Variants in GLT8D2 observed in about 807,000 individuals in gnomAD.
GLT8D2 encodes glycosyltransferase 8 domain containing 2.
GLT8D2 carries 45 observed loss-of-function variants against 44.5 expected under a neutral mutation model. That is an observed-to-expected ratio of 1.01 (90% CI 0.80 to 1.30). The LOEUF is 1.30. Ranked by LOEUF, GLT8D2 falls within the 50% of genes most tolerant of loss-of-function variation. The probability of loss-of-function intolerance (pLI) is 0.00; values close to 1 mark genes in which losing one functional copy is unlikely to be tolerated. For synonymous variants in GLT8D2, 156 were observed against 157.2 expected (o/e 0.99, Z 0.06); for missense variants, 400 against 430.4 (o/e 0.93, Z 0.62).
At position 103,997,546 on chromosome 12, in the gene GLT8D2, G is replaced by A. The variant is rs199853112; in HGVS notation, c.403-11C>T. 1.1e-5 allele frequency: 17 copies of A among 1,602,108 alleles called. No homozygotes were observed. Among genetic ancestry groups the A allele is most frequent in the South Asian group, 2.2e-5 (2 of 90,756 alleles). The stretch of plus-strand genomic sequence containing the variant: ...TCGAACAAAGTTCAGCTGTTAAAAC[G>A]ACAAAAGAAATGATGGTGGGGGAGA... On this transcript the variant is annotated splice_polypyrimidine_tract_variant and intron_variant, in intron 6 of 10. Coordinates refer to ENST00000360814, the MANE Select transcript of GLT8D2 (RefSeq NM_001384711.1).
intron 1 of GLT8D2, among the ~76,000 whole-genome samples, chr12:104,045,927 GAA>G (rs1332369163): frequency 3.0e-4 from 43 of 145,244 alleles, no homozygotes; most frequent in East Asian, 1.8e-3. Flanking sequence ...AAGAAAGAAA[GAA>G]AGAAAGAAAA....
At chr12:104,014,971 A>G in intron 4 of GLT8D2, 42 bp downstream of exon 4, 1 of 1,414,118 alleles carries the variant, frequency 7.1e-7, no homozygotes, top group Non-Finnish European at 1.0e-6. Flanking sequence ...TTCAAACCAC[A>G]TTCCTGGGTA....
chr12:104,012,731 C>A (rs1417629160), intron 4 of GLT8D2: 11 of 671,426 alleles, frequency 1.6e-5, no homozygotes, highest in Non-Finnish European at 2.7e-5. Context: ...TAGCTTCCAG[C>A]ATCTCAGGAT....
chr12:104,019,276 C>T (rs932066382), intron 3 of GLT8D2, among the ~76,000 whole-genome samples: 31 of 151,912 alleles, frequency 2.0e-4, no homozygotes, highest in Admixed American at 7.9e-4. Flanking sequence ...TACAGGTGTC[C>T]GCCACCATGC....
At chr12:104,048,706 G>C (rs1297475367) in intron 1 of GLT8D2, among the ~76,000 whole-genome samples, 1 of 152,184 alleles carries the variant, frequency 6.6e-6, no homozygotes, top group Non-Finnish European at 1.5e-5. Flanking sequence ...GACTGTCAGA[G>C]GGAACCATGG....
intron 9 of GLT8D2, 140 bp downstream of exon 9, chr12:103,994,195 C>T (rs1158095582): frequency 1.2e-5 from 8 of 695,590 alleles, no homozygotes; most frequent in Non-Finnish European, 1.8e-5. Flanking sequence ...GCCCCCTTTT[C>T]TTTCTTAACA....
Position 103,996,830 on chromosome 12 carries a change from A to C in GLT8D2, c.505T>G (p.Tyr169Asp), listed in dbSNP as rs1873491761. 2 of 1,613,212 alleles carry C rather than the reference A, an allele frequency of 1.2e-6. No individual in the cohort carries two copies. Among genetic ancestry groups the C allele is most frequent in the Non-Finnish European group, 1.7e-6 (2 of 1,179,486 alleles). ...VIVQGDIQEL[Y>D]DTTLALGHAA... ...TGGCCCAGGGCCAAGGTGGTGTCATACAGTTCTTGGATATCACCTGAATTT... is the reference window on the plus strand; with the variant it reads ...TGGCCCAGGGCCAAGGTGGTGTCATCCAGTTCTTGGATATCACCTGAATTT... The change falls in exon 8 of 11, where the codon TAT (tyrosine) becomes GAT (aspartate). Residue 169 changes from tyrosine (Y) to aspartate (D), a missense_variant. Physicochemically the swap from Tyr to Asp is radical, Grantham distance 160 (BLOSUM62 -3). Coordinates refer to ENST00000360814, the MANE Select transcript of GLT8D2 (RefSeq NM_001384711.1).
At chr12:103,990,523 A>C (rs1399806696) in intron 10 of GLT8D2, among the ~76,000 whole-genome samples, 1 of 152,176 alleles carries the variant, frequency 6.6e-6, no homozygotes, top group African/African-American at 2.4e-5. Flanking sequence ...ATTTTTTAAA[A>C]ATCTCTATAG....
chr12:104,048,626 A>G (rs909690099), intron 1 of GLT8D2, among the ~76,000 whole-genome samples: 1 of 152,240 alleles, frequency 6.6e-6, no homozygotes, highest in African/African-American at 2.4e-5. Flanking sequence ...AGGTGTCTGA[A>G]GGAAGAAAGG....
intron 1 of GLT8D2, among the ~76,000 whole-genome samples, chr12:104,057,735 T>C (rs1678038942): frequency 6.6e-6 from 1 of 152,232 alleles, no homozygotes; most frequent in Admixed American, 6.5e-5. Context: ...TTGGCTTGCA[T>C]ATCATGTTTA....
At chr12:104,056,520 C>A (rs1036224672) in intron 1 of GLT8D2, among the ~76,000 whole-genome samples, 2 of 152,208 alleles carry the variant, frequency 1.3e-5, no homozygotes, top group African/African-American at 4.8e-5. Flanking sequence ...ATAATAAAAT[C>A]ATGATAATGA....
upstream of GLT8D2, among the ~76,000 whole-genome samples, chr12:104,055,165 C>G (rs1882076101): frequency 6.6e-6 from 1 of 152,182 alleles, no homozygotes. Context: ...TACAGCCAAC[C>G]TGTGGTGCTC....
intron 1 of GLT8D2, chr12:104,029,848 T>C (rs985501116): frequency 6.6e-6 from 1 of 152,166 alleles, no homozygotes; most frequent in Admixed American, 6.5e-5. Flanking sequence ...TAGAACTTTA[T>C]ATAGTTATGC....
intron 3 of GLT8D2, among the ~76,000 whole-genome samples, chr12:104,015,499 G>T (rs868458778): frequency 6.6e-6 from 1 of 151,892 alleles, no homozygotes; most frequent in Non-Finnish European, 1.5e-5. Flanking sequence ...GAGATAGGAG[G>T]ATGGCTTGAG....
At chr12:104,062,985 C>T (rs762721854) in intron 1 of GLT8D2, among the ~76,000 whole-genome samples, 4 of 152,028 alleles carry the variant, frequency 2.6e-5, no homozygotes, top group Non-Finnish European at 5.9e-5. Context: ...CTGTGAACTG[C>T]CCATAGGAGG....
chr12:103,994,453 G>C lies in GLT8D2; in HGVS notation c.649C>G (p.Leu217Val), dbSNP rs772152450. The C allele has an allele frequency of 5.0e-6, 8 of 1,614,126 alleles. No homozygotes were observed. Among genetic ancestry groups the C allele is most frequent in the Non-Finnish European group, 5.9e-6 (7 of 1,179,970 alleles). Residue 217 changes from leucine to valine, a missense_variant, in exon 9 of 11, where the codon CTT becomes GTT. By Grantham distance (32) the Leu-to-Val change is conservative. Coordinates refer to ENST00000360814, the MANE Select transcript of GLT8D2 (RefSeq NM_001384711.1). ...LDYRKKAIKD[L>V]GISPSTCSFN... The stretch of plus-strand genomic sequence containing the variant: ...GAGCAGGTGCTGGGGCTGATGCCAA[G>C]GTCCTTGATGGCCTTCTTCCGGTAG...
upstream of GLT8D2, among the ~76,000 whole-genome samples, chr12:104,052,962 T>C (rs1227892584): frequency 1.3e-5 from 2 of 152,138 alleles, no homozygotes; most frequent in African/African-American, 4.8e-5. Flanking sequence ...AAAACGTTGG[T>C]CACCTCTGGG....
In GLT8D2 at chr12:103,996,845, C is replaced by A; in HGVS notation, c.490G>T (p.Asp164Tyr). The change falls in exon 8 of 11, where the codon GAT (aspartate) becomes TAT (tyrosine). Residue 164 changes from aspartate to tyrosine, a missense_variant and splice_region_variant. By Grantham distance (160) the Asp-to-Tyr change is radical (BLOSUM62 -3). Coordinates refer to ENST00000360814, the MANE Select transcript of GLT8D2 (RefSeq NM_001384711.1). The stretch of plus-strand genomic sequence containing the variant: ...GTGGTGTCATACAGTTCTTGGATAT[C>A]ACCTGAATTTAGAAACACCACCAAG... The part of the protein sequence containing the change: ...YLDDDVIVQG[D>Y]IQELYDTTLA... The A allele has an allele frequency of 6.2e-7, 1 of 1,608,702 alleles. No homozygotes were observed. Among genetic ancestry groups the A allele is most frequent in the Non-Finnish European group, 8.5e-7 (1 of 1,176,626 alleles).
At chr12:104,029,491 C>G (rs1479713029) in intron 1 of GLT8D2, among the ~76,000 whole-genome samples, 1 of 151,984 alleles carries the variant, frequency 6.6e-6, no homozygotes. Flanking sequence ...TCAAGAGGTT[C>G]AGGGTTGTTT....
Sources: allele counts gnomAD v4.1 joint callset (sites outside exome capture counted in the v4.1 genomes callset), GRCh38; gene constraint gnomAD v4.1.1; transcripts MANE v1.5; gene names NCBI Gene and HGNC (gene_info 2026-07-23, HGNC 2026-07-21).